ARHGAP1: variants seen among roughly 807,000 people sequenced by gnomAD.
ARHGAP1 encodes Rho GTPase activating protein 1.
Under a neutral mutation model 52.2 loss-of-function variants are expected in ARHGAP1, and 23 were observed. That is an observed-to-expected ratio of 0.44 (90% CI 0.32 to 0.62). ARHGAP1 has a LOEUF of 0.62. Among genes scored for constraint, ARHGAP1 ranks in the 20% least tolerant of loss-of-function variants. The pLI, the probability that ARHGAP1 is intolerant of heterozygous loss-of-function variation, is 0.05. For synonymous variants in ARHGAP1, 210 were observed against 228.4 expected (o/e 0.92, Z 0.73); for missense variants, 480 against 560.9 (o/e 0.86, Z 1.46).
chr11:46,689,460 A>G (rs1423235277), intron 3 of ARHGAP1, among the ~76,000 whole-genome samples: 1 of 152,196 alleles, frequency 6.6e-6, no homozygotes, highest in Non-Finnish European at 1.5e-5. Flanking sequence ...ATTTTATGAC[A>G]TTATGCACTA....
At chr11:46,694,362 C>T (rs2064636790) in intron 3 of ARHGAP1, among the ~76,000 whole-genome samples, 1 of 152,172 alleles carries the variant, frequency 6.6e-6, no homozygotes, top group South Asian at 2.1e-4. Flanking sequence ...CCACCGAGAG[C>T]CCTTCCTGAT....
chr11:46,695,313 T>C (rs1478198541), intron 3 of ARHGAP1: 2 of 369,124 alleles, frequency 5.4e-6, no homozygotes, highest in Non-Finnish European at 1.1e-5. Context: ...CAGTAACTGA[T>C]AGGGTGGAAA....
chr11:46,689,081 CAA>C (rs566135089), intron 3 of ARHGAP1, among the ~76,000 whole-genome samples: 14 of 90,228 alleles, frequency 1.6e-4, no homozygotes, highest in Admixed American at 2.5e-4. Flanking sequence ...AAGAGTGTCT[CAA>C]AAAAAAAAAA....
At position 46,680,799 on chromosome 11, in the gene ARHGAP1, C is replaced by A; in HGVS notation, c.636-52G>T. 1 of 1,378,020 alleles carries A rather than the reference C, an allele frequency of 7.3e-7. No homozygotes were observed. The highest frequency in any genetic ancestry group is 2.2e-5 in the Admixed American group (1 of 45,906). 85.4% of individuals were successfully genotyped at this position (1,378,020 alleles called of 1,614,324 possible). A position where few individuals can be genotyped will look rare whatever the true frequency, so the allele number is the denominator to read the frequency against. ...GGTCCTGCCTGGCTCTGGAGTCACT[C>A]TGCCAATTCAATCAAGCATTGACCA... On this transcript the variant is annotated intron_variant, in intron 7 of 12. Transcript: ENST00000311956. The surrounding 1 kb of genome is among the most constrained non-coding windows in gnomAD (Gnocchi z 5.9).
Position 46,680,322 on chromosome 11 carries a change from G to A in ARHGAP1, c.821-40C>T, listed in dbSNP as rs368569803. Reference sequence around the variant, plus strand: ...GGCCTGGTGAGCCTCCGAGCGCTGGGCACCGGCTGGATTCCCTGCCCCTTC... The same window carrying A: ...GGCCTGGTGAGCCTCCGAGCGCTGGACACCGGCTGGATTCCCTGCCCCTTC... On this transcript the variant is annotated intron_variant, in intron 9 of 12. Coordinates refer to ENST00000311956, the MANE Select transcript of ARHGAP1 (RefSeq NM_004308.5). This position sits in a 1 kb window ranked among gnomAD's most constrained non-coding sequence, Gnocchi z 5.9. 2.4e-5 allele frequency: 39 copies of A among 1,607,184 alleles called. No individual in the cohort carries two copies. In the African/African-American group the frequency reaches 3.7e-4, roughly 15 times the overall value.
At chr11:46,685,003 G>A (rs1409901558) in intron 4 of ARHGAP1, among the ~76,000 whole-genome samples, 8 of 149,854 alleles carry the variant, frequency 5.3e-5, no homozygotes, top group South Asian at 2.1e-4. Flanking sequence ...CAGGGGAATC[G>A]CTTGAACTCA....
In ARHGAP1 at chr11:46,681,480, C is replaced by T; in HGVS notation, c.450-101G>A. On this transcript the variant is annotated intron_variant, in intron 5 of 12. Coordinates refer to ENST00000311956, the MANE Select transcript of ARHGAP1 (RefSeq NM_004308.5). The surrounding 1 kb of genome is among the most constrained non-coding windows in gnomAD (Gnocchi z 5.7). ...TTTTTTTTTGAGACAGAGTCTCCTT[C>T]ACCCAGGCTGGAGTGTGATCTCAGC... 1 of 853,564 alleles carries T rather than the reference C, an allele frequency of 1.2e-6. No homozygotes were observed. Among genetic ancestry groups the T allele is most frequent in the Admixed American group, 1.9e-5 (1 of 53,584 alleles). 52.9% of individuals were successfully genotyped at this position (853,564 alleles called of 1,614,324 possible). A position where few individuals can be genotyped will look rare whatever the true frequency, so the allele number is the denominator to read the frequency against.
intron 3 of ARHGAP1, among the ~76,000 whole-genome samples, chr11:46,693,345 A>G (rs1383534101): frequency 6.7e-6 from 1 of 149,898 alleles, no homozygotes; most frequent in African/African-American, 2.5e-5. Flanking sequence ...TCCTGGGGAT[A>G]CCTTTCATAG....
Position 46,679,643 on chromosome 11 carries a change from C to G in ARHGAP1, c.1027+5G>C. ...CCAGGCCCAACAGAAGAGATGGGGACTCACTGAGGAAGCCCACCACATGGG... is the reference window on the plus strand; with the variant it reads ...CCAGGCCCAACAGAAGAGATGGGGAGTCACTGAGGAAGCCCACCACATGGG... On this transcript the variant is annotated splice_donor_5th_base_variant and intron_variant, in intron 11 of 12. Coordinates refer to ENST00000311956, the MANE Select transcript of ARHGAP1 (RefSeq NM_004308.5). The surrounding 1 kb of genome is among the most constrained non-coding windows in gnomAD (Gnocchi z 4.4). 6.2e-7 allele frequency: 1 copy of G among 1,613,990 alleles called. No homozygotes were observed. The highest frequency in any genetic ancestry group is 8.5e-7 in the Non-Finnish European group (1 of 1,179,966).
chr11:46,696,036 C>T lies in ARHGAP1; in HGVS notation c.72G>A (p.Lys24=), dbSNP rs2064651232. The T allele has an allele frequency of 1.2e-6, 2 of 1,614,056 alleles. No individual in the cohort carries two copies. Among genetic ancestry groups the T allele is most frequent in the Non-Finnish European group, 1.7e-6 (2 of 1,180,008 alleles). Residue 24 remains lysine, a synonymous_variant, in exon 2 of 13, where the codon AAG becomes AAA. Coordinates refer to ENST00000311956, the MANE Select transcript of ARHGAP1 (RefSeq NM_004308.5). The surrounding 1 kb of genome is among the most constrained non-coding windows in gnomAD (Gnocchi z 4.8). ...AGTTCTTCTCATCGATGGAGGCCAGCTTCAGCTGGTTCAGAGCCTCGCTGG... is the reference window on the plus strand; with the variant it reads ...AGTTCTTCTCATCGATGGAGGCCAGTTTCAGCTGGTTCAGAGCCTCGCTGG... ...DDTSEALNQL[K]LASIDEKNWP...
In ARHGAP1 at chr11:46,681,468, C is replaced by A; in HGVS notation, c.450-89G>T. 2.1e-6 allele frequency: 2 copies of A among 944,952 alleles called. No homozygotes were observed. The highest frequency in any genetic ancestry group is 3.4e-6 in the Non-Finnish European group (2 of 582,604). The allele number at this position is 944,952 out of a possible 1,614,324, so 58.5% of individuals were successfully genotyped here. Reference sequence around the variant, plus strand: ...CAGTGCATACTTTTTTTTTTTGAGACAGAGTCTCCTTCACCCAGGCTGGAG... The same window carrying A: ...CAGTGCATACTTTTTTTTTTTGAGAAAGAGTCTCCTTCACCCAGGCTGGAG... On this transcript the variant is annotated intron_variant, in intron 5 of 12. Coordinates refer to ENST00000311956, the MANE Select transcript of ARHGAP1 (RefSeq NM_004308.5). This position sits in a 1 kb window ranked among gnomAD's most constrained non-coding sequence, Gnocchi z 5.7.
chr11:46,677,828 T>C lies in ARHGAP1; in HGVS notation c.*1209A>G. ...AGCTGGGCATGGTGGCATGCACCTA[T>C]AGTCCCAGCTACTCAGGAGGCTGAG... On this transcript the variant is annotated 3_prime_UTR_variant, in exon 13 of 13. Transcript: ENST00000311956. 2.8e-6 allele frequency: 1 copy of C among 360,818 alleles called. No homozygotes were observed. Among genetic ancestry groups the C allele is most frequent in the East Asian group, 9.2e-5 (1 of 10,842 alleles). 22.4% of individuals were successfully genotyped at this position (360,818 alleles called of 1,614,324 possible). A position where few individuals can be genotyped will look rare whatever the true frequency, so the allele number is the denominator to read the frequency against.
In ARHGAP1 at chr11:46,696,372, G is replaced by A. The variant is rs2064654799; in HGVS notation, c.-49-216C>T. On this transcript the variant is annotated intron_variant, in intron 1 of 12. Coordinates refer to ENST00000311956, the MANE Select transcript of ARHGAP1 (RefSeq NM_004308.5). This position sits in a 1 kb window ranked among gnomAD's most constrained non-coding sequence, Gnocchi z 4.8. ...GCCAGAAAAGGCAGCTGGGGCAGAG[G>A]ATGGCACAGCTCAGCGCCTCCCTCC... Among the ~76,000 whole-genome samples, 1 of 152,182 alleles carries A rather than the reference G, an allele frequency of 6.6e-6. No individual in the cohort carries two copies.
In ARHGAP1 at chr11:46,680,431, G is replaced by C. The variant is rs1215372623; in HGVS notation, c.820+56C>G. The C allele has an allele frequency of 1.2e-6, 2 of 1,604,752 alleles. No individual in the cohort carries two copies. Among genetic ancestry groups the C allele is most frequent in the East Asian group, 4.5e-5 (2 of 44,830 alleles). On this transcript the variant is annotated intron_variant, in intron 9 of 12. Transcript: ENST00000311956. The surrounding 1 kb of genome is among the most constrained non-coding windows in gnomAD (Gnocchi z 5.9). ...TCTGCCCTGCCCAGCAGCTTCCCCA[G>C]CTTCCTGAAGGGAGCCGGGAGACCT...
intron 4 of ARHGAP1, among the ~76,000 whole-genome samples, chr11:46,685,973 CT>C (rs879269497): frequency 3.8e-3 from 471 of 123,178 alleles, no homozygotes; most frequent in East Asian, 5.6e-3. Flanking sequence ...CGTACCCGGA[CT>C]TTTTTTTTTT....
chr11:46,681,759 A>T lies in ARHGAP1; in HGVS notation c.449+292T>A, dbSNP rs1175509525. On this transcript the variant is annotated intron_variant, in intron 5 of 12. Transcript: ENST00000311956. The surrounding 1 kb of genome is among the most constrained non-coding windows in gnomAD (Gnocchi z 5.7). Reference sequence around the variant, plus strand: ...TCAGTGCATATTTTCTGATTTGAACATGCATGGCCAGCATGCGAGGTAAGG... The same window carrying T: ...TCAGTGCATATTTTCTGATTTGAACTTGCATGGCCAGCATGCGAGGTAAGG... 6.6e-6 allele frequency among the ~76,000 whole-genome samples: 1 copy of T among 152,176 alleles called. No individual in the cohort carries two copies. Among genetic ancestry groups the T allele is most frequent in the East Asian group, 1.9e-4 (1 of 5,200 alleles).
chr11:46,682,109 T>C lies in ARHGAP1; in HGVS notation c.391A>G (p.Ser131Gly), dbSNP rs2134479815. The C allele has an allele frequency of 1.2e-6, 2 of 1,614,184 alleles. No homozygotes were observed. The highest frequency in any genetic ancestry group is 1.7e-6 in the Non-Finnish European group (2 of 1,180,028). ...CAGCTGAGGGAGGGCTTGTTGTCGC[T>C]GGTCAGGCCGTGGTGCAGATACAGA... is the stretch of plus-strand genomic sequence containing the variant. The part of the protein sequence containing the change: ...TLLYLHHGLT[S>G]DNKPSLSWLR... The change falls in exon 5 of 13, where the codon AGC (serine) becomes GGC (glycine). Residue 131 changes from serine (S) to glycine (G), a missense_variant. Ser to Gly is a moderately conservative substitution (Grantham distance 56). Transcript: ENST00000311956.
At chr11:46,695,932 C>A (rs750967893) in intron 2 of ARHGAP1, 43 bp downstream of exon 2, 45 of 1,613,584 alleles carry the variant, frequency 2.8e-5, no homozygotes, top group Non-Finnish European at 3.6e-5. Flanking sequence ...GTGCTTCCCC[C>A]TCTAAAGCGC....
In ARHGAP1 at chr11:46,696,644, G is replaced by A. The variant is rs1030754626; in HGVS notation, c.-49-488C>T. On this transcript the variant is annotated intron_variant, in intron 1 of 12. Coordinates refer to ENST00000311956, the MANE Select transcript of ARHGAP1 (RefSeq NM_004308.5). This position sits in a 1 kb window ranked among gnomAD's most constrained non-coding sequence, Gnocchi z 4.8. The stretch of plus-strand genomic sequence containing the variant: ...AGCACTTTGGGAGGCCGAGGCAGGC[G>A]GATCACCTGAGGTCAGGAGTTCAAG... Among the ~76,000 whole-genome samples, 3 of 152,210 alleles carry A rather than the reference G, an allele frequency of 2.0e-5. No individual in the cohort carries two copies. Among genetic ancestry groups the A allele is most frequent in the East Asian group, 1.9e-4 (1 of 5,194 alleles).
Sources: allele counts gnomAD v4.1 joint callset (sites outside exome capture counted in the v4.1 genomes callset), GRCh38; gene constraint gnomAD v4.1.1; non-coding constraint Gnocchi (gnomAD v3.1); transcripts MANE v1.5; gene names NCBI Gene and HGNC (gene_info 2026-07-23, HGNC 2026-07-21).